Variants in SBF2 observed in about 807,000 individuals in gnomAD.
The protein encoded by SBF2 is SET binding factor 2, also known as myotubularin-related protein 13.
A neutral mutation model predicts 225.2 loss-of-function variants in SBF2; 112 were observed. The observed-to-expected ratio is 0.50, with a 90% CI of 0.43 to 0.58. SBF2 has a LOEUF of 0.58. Among genes scored for constraint, SBF2 ranks in the 20% least tolerant of loss-of-function variants. The probability of loss-of-function intolerance (pLI) is 0.00; values close to 1 mark genes in which losing one functional copy is unlikely to be tolerated. For missense variants in SBF2, 1,996 were observed against 2,206.2 expected (o/e 0.90, Z 1.91); for synonymous variants, 763 against 773.3 (o/e 0.99, Z 0.22).
intron 16 of SBF2, among the ~76,000 whole-genome samples, chr11:9,941,470 TA>T (rs1865249174): frequency 1.3e-5 from 2 of 152,364 alleles, no homozygotes; most frequent in South Asian, 4.1e-4. Context: ...GAATACTCCC[TA>T]TTTCATTTTT....
chr11:9,939,900 A>G lies in SBF2; in HGVS notation c.1860+22057T>C, dbSNP rs557945625. ...CCTAAACTGTGGAGTAAGTCATCCT[A>G]GGTGCTATGTGGAAATGTCAAGAGT... On this transcript the variant is annotated intron_variant, in intron 16 of 39. Coordinates refer to ENST00000256190, the MANE Select transcript of SBF2 (RefSeq NM_030962.4). Among the ~76,000 whole-genome samples, 46 of 152,320 alleles carry G rather than the reference A, an allele frequency of 3.0e-4. No homozygotes were observed. In the South Asian group the frequency reaches 9.1e-3, roughly 30 times the overall value.
At chr11:9,808,740 T>C in intron 31 of SBF2, 161 bp downstream of exon 31, 2 of 581,128 alleles carry the variant, frequency 3.4e-6, no homozygotes, top group South Asian at 2.0e-5. Context: ...TAAGAGCTCA[T>C]GGTACGGAGT....
intron 2 of SBF2, among the ~76,000 whole-genome samples, chr11:10,055,463 A>G (rs1467736885): frequency 1.3e-5 from 2 of 151,566 alleles, no homozygotes; most frequent in African/African-American, 2.4e-5. Context: ...ACAATTCACA[A>G]TTGCAAAGAT....
chr11:9,930,055 G>A (rs965155237), intron 16 of SBF2, among the ~76,000 whole-genome samples: 3 of 151,980 alleles, frequency 2.0e-5, no homozygotes, highest in Non-Finnish European at 4.4e-5. Flanking sequence ...TAATACCTAG[G>A]TGATGGGTTG....
At chr11:10,279,742 C>T (rs1008392944) in intron 1 of SBF2, among the ~76,000 whole-genome samples, 1 of 152,134 alleles carries the variant, frequency 6.6e-6, no homozygotes, top group Non-Finnish European at 1.5e-5. Context: ...CTCCACCTCC[C>T]GGGTTCAAGT....
At chr11:9,788,761 ATTTTTTT>A (rs148717661) in intron 35 of SBF2, among the ~76,000 whole-genome samples, 1 of 134,828 alleles carries the variant, frequency 7.4e-6, no homozygotes, top group Non-Finnish European at 1.6e-5. Flanking sequence ...CGCCCGGCTA[ATTTTTTT>A]TTTTTTTTTG....
At chr11:9,851,034 G>T (rs1016948421) in intron 21 of SBF2, among the ~76,000 whole-genome samples, 1 of 151,774 alleles carries the variant, frequency 6.6e-6, no homozygotes, top group African/African-American at 2.4e-5. Context: ...TACTCAGAAG[G>T]CGGAGGCAGG....
chr11:9,848,210 C>T (rs1465526664), intron 22 of SBF2, among the ~76,000 whole-genome samples: 1 of 152,146 alleles, frequency 6.6e-6, no homozygotes, highest in Non-Finnish European at 1.5e-5. Context: ...TAGAAAAATT[C>T]TGACTATATT....
intron 16 of SBF2, among the ~76,000 whole-genome samples, chr11:9,913,925 T>C (rs1862859975): frequency 6.6e-6 from 1 of 152,178 alleles, no homozygotes; most frequent in African/African-American, 2.4e-5. Flanking sequence ...AGGTTTCTAA[T>C]TCCTGGGCTC....
At chr11:10,301,155 C>T (rs1591386349) in intron 1 of SBF2, among the ~76,000 whole-genome samples, 3 of 152,154 alleles carry the variant, frequency 2.0e-5, no homozygotes, top group Admixed American at 1.3e-4. Context: ...GTTAACTGTC[C>T]TCCTTGCCCT....
intron 2 of SBF2, among the ~76,000 whole-genome samples, chr11:10,124,842 C>T (rs1565256903): frequency 1.3e-5 from 2 of 152,174 alleles, no homozygotes; most frequent in African/African-American, 2.4e-5. Flanking sequence ...TGGTGGTTCA[C>T]GCCTGTAATC....
chr11:10,221,121 C>CA (rs1407133142), intron 1 of SBF2, among the ~76,000 whole-genome samples: 1 of 138,644 alleles, frequency 7.2e-6, no homozygotes, highest in Non-Finnish European at 1.6e-5. Flanking sequence ...CTGTTACTTC[C>CA]TTTTTTTTTT....
chr11:10,045,413 C>T (rs529411304), intron 2 of SBF2, among the ~76,000 whole-genome samples: 12 of 152,214 alleles, frequency 7.9e-5, no homozygotes, highest in African/African-American at 2.9e-4. Flanking sequence ...GTGATCCACC[C>T]GCCTTGGCCT....
chr11:9,908,613 C>A (rs1208385526), intron 16 of SBF2, among the ~76,000 whole-genome samples: 1 of 151,976 alleles, frequency 6.6e-6, no homozygotes, highest in Admixed American at 6.6e-5. Flanking sequence ...GGCGACAGAG[C>A]GAGACTCCGT....
At chr11:10,152,732 T>C (rs1164410965) in intron 2 of SBF2, among the ~76,000 whole-genome samples, 1 of 151,984 alleles carries the variant, frequency 6.6e-6, no homozygotes, top group Non-Finnish European at 1.5e-5. Context: ...AAGTATACCA[T>C]AAGAAACATA....
intron 38 of SBF2, among the ~76,000 whole-genome samples, chr11:9,782,406 A>T (rs988381736): frequency 6.6e-6 from 1 of 152,198 alleles, no homozygotes; most frequent in Admixed American, 6.5e-5. Flanking sequence ...AAAATAAATG[A>T]CAATAAATGA....
chr11:10,232,337 C>T (rs1475566403), intron 1 of SBF2, among the ~76,000 whole-genome samples: 1 of 152,200 alleles, frequency 6.6e-6, no homozygotes, highest in Admixed American at 6.6e-5. Context: ...CCGGCACTCC[C>T]CAGTGAGATG....
At chr11:10,251,363 C>G (rs536885233) in intron 1 of SBF2, among the ~76,000 whole-genome samples, 4 of 152,112 alleles carry the variant, frequency 2.6e-5, no homozygotes, top group Non-Finnish European at 5.9e-5. Context: ...GACTCTATAG[C>G]AGATTCTACT....
chr11:9,855,086 G>C (rs1857220147), intron 19 of SBF2, among the ~76,000 whole-genome samples: 1 of 152,202 alleles, frequency 6.6e-6, no homozygotes. Context: ...ATTTCGGGAA[G>C]ATCCTTTTGG....
Sources: gnomAD v4.1 joint callset for allele counts (sites outside exome capture counted in the v4.1 genomes callset) on GRCh38, gnomAD v4.1.1 for gene constraint, MANE v1.5 for transcripts, NCBI Gene and HGNC (gene_info 2026-07-23, HGNC 2026-07-21) for gene names.